TNS2: variants seen among roughly 807,000 people sequenced by gnomAD.
The protein encoded by TNS2 is tensin 2, also known as tensin-2.
In TNS2, 77 loss-of-function variants were observed where a neutral mutation model predicts 155.7. That is an observed-to-expected ratio of 0.49 (90% CI 0.41 to 0.60). The LOEUF (loss-of-function observed/expected upper bound fraction) is 0.60, where lower values mean the gene tolerates loss of function less well. Among genes scored for constraint, TNS2 ranks in the 20% least tolerant of loss-of-function variants. The pLI is 0.00. For synonymous variants in TNS2, 726 were observed against 763.9 expected (o/e 0.95, Z 0.82); for missense variants, 1,703 against 1,868.8 (o/e 0.91, Z 1.64).
chr12:53,051,263 T>G (rs1455646361), intron 1 of TNS2, among the ~76,000 whole-genome samples: 3 of 152,040 alleles, frequency 2.0e-5, no homozygotes, highest in Admixed American at 2.0e-4. Flanking sequence ...CCCTCCAGCA[T>G]GACCACCCCC....
chr12:53,058,908 C>T, intron 17 of TNS2, 81 bp downstream of exon 17: 1 of 1,573,178 alleles, frequency 6.4e-7, no homozygotes, highest in South Asian at 1.1e-5. Context: ...AGCACACTCC[C>T]TCCTCCCCAG....
rs1943893756 is a variant in TNS2, at chr12:53,050,519, C to T, written c.75+259C>T. ...CCAACCCCAGGAGGTCCTGGCCCCCCAACATAAGCCCCAGGTGCCTCACTG... is the reference window on the plus strand; with the variant it reads ...CCAACCCCAGGAGGTCCTGGCCCCCTAACATAAGCCCCAGGTGCCTCACTG... On this transcript the variant is annotated intron_variant, in intron 1 of 28. Transcript: ENST00000314250. The surrounding 1 kb of genome is among the most constrained non-coding windows in gnomAD (Gnocchi z 4.7). 6.6e-6 allele frequency among the ~76,000 whole-genome samples: 1 copy of T among 152,078 alleles called. No homozygotes were observed.
intron 21 of TNS2, 75 bp from the exon 22 acceptor site, chr12:53,061,737 AGAG>A (rs1944390805): frequency 1.3e-6 from 2 of 1,550,678 alleles, no homozygotes; most frequent in African/African-American, 1.4e-5. Flanking sequence ...GCTTGGCAGC[AGAG>A]GAGGGGGGCT....
Position 53,058,568 on chromosome 12 carries a change from A to G in TNS2, c.1226-4A>G. The G allele has an allele frequency of 1.2e-6, 2 of 1,614,054 alleles. No homozygotes were observed. Among genetic ancestry groups the G allele is most frequent in the South Asian group, 1.1e-5 (1 of 91,082 alleles). On this transcript the variant is annotated splice_polypyrimidine_tract_variant and splice_region_variant and intron_variant, in intron 15 of 28. Transcript: ENST00000314250. ...CCTGGTTCTTCACTGTCCACTCCCC[A>G]TAGATGAGAGGTTCCCCTTCCAAGC...
chr12:53,055,188 C>A lies in TNS2; in HGVS notation c.525C>A (p.Leu175=). Residue 175 remains leucine (L), a splice_region_variant and synonymous_variant, in exon 8 of 29, where the codon CTC becomes CTA. Coordinates refer to ENST00000314250, the MANE Select transcript of TNS2 (RefSeq NM_170754.4). ...AAAGCCCTCCCCCTTTATTTCAGCT[C>A]TTCAACCTTTCAGAGAAAAGGCATG... ...LQSKHRDKYL[L]FNLSEKRHDL... The A allele has an allele frequency of 1.9e-6, 3 of 1,614,034 alleles. No homozygotes were observed. Among genetic ancestry groups the A allele is most frequent in the Non-Finnish European group, 2.5e-6 (3 of 1,180,002 alleles).
Position 53,050,366 on chromosome 12 carries a change from C to T in TNS2, c.75+106C>T. 7.7e-7 allele frequency: 1 copy of T among 1,307,000 alleles called. No homozygotes were observed. The highest frequency in any genetic ancestry group is 1.5e-5 in the South Asian group (1 of 67,136). The allele number at this position is 1,307,000 out of a possible 1,614,324, so 81.0% of individuals were successfully genotyped here. A position where few individuals can be genotyped will look rare whatever the true frequency, so the allele number is the denominator to read the frequency against. ...AGGCCTTCTTCCCAATTTCAGCTTC[C>T]TCAGCCTTCTTCCCTGGCCCAGCAT... On this transcript the variant is annotated intron_variant, in intron 1 of 28. Coordinates refer to ENST00000314250, the MANE Select transcript of TNS2 (RefSeq NM_170754.4). The surrounding 1 kb of genome is among the most constrained non-coding windows in gnomAD (Gnocchi z 4.7).
At position 53,061,462 on chromosome 12, in the gene TNS2, T is replaced by G. The variant is rs996296530; in HGVS notation, c.3441T>G (p.Arg1147=). 4.3e-6 allele frequency: 7 copies of G among 1,613,908 alleles called. No individual in the cohort carries two copies. In the African/African-American group the frequency reaches 9.3e-5, roughly 22 times the overall value. ...SKFWYKPHLS[R]DQAIALLKDK... is the part of the protein sequence containing the mutation. ...TCTGGTACAAGCCACACCTGTCCCGTGACCAAGGTGAGAAGCCAGCCTGCC... is the reference window on the plus strand; with the variant it reads ...TCTGGTACAAGCCACACCTGTCCCGGGACCAAGGTGAGAAGCCAGCCTGCC... Residue 1147 remains arginine, a synonymous_variant, in exon 21 of 29, where the codon CGT becomes CGG. Transcript: ENST00000314250.
rs752106844 is a variant in TNS2, at chr12:53,062,217, C to G, written c.3639C>G (p.Ile1213Met). The change falls in exon 23 of 29, where the codon ATC becomes ATG. Residue 1213 changes from isoleucine (I) to methionine (M), a missense_variant. Physicochemically the swap from Ile to Met is conservative, Grantham distance 10 (BLOSUM62 1). Transcript: ENST00000314250. ...AGACTGGGCCCAAAGGGGTGAAGAT[C>G]AAGGGCTGCCCCAGTGAGCCCTACT... ...LIETGPKGVKIKGCPSEPYFG... is the reference protein window; with the variant it reads ...LIETGPKGVKMKGCPSEPYFG... 2.4e-5 allele frequency: 39 copies of G among 1,613,980 alleles called. No individual in the cohort carries two copies. The highest frequency in any genetic ancestry group is 3.3e-5 in the Non-Finnish European group (39 of 1,180,012).
At position 53,055,860 on chromosome 12, in the gene TNS2, G is replaced by A. The variant is rs372875190; in HGVS notation, c.761+15G>A. 2.6e-5 allele frequency: 42 copies of A among 1,603,702 alleles called. No homozygotes were observed. Among genetic ancestry groups the A allele is most frequent in the South Asian group, 1.4e-4 (13 of 90,014 alleles). On this transcript the variant is annotated intron_variant, in intron 10 of 28. Transcript: ENST00000314250. ...ATCTCTGCAGGGTGAGGCTCCCAGC[G>A]CCTGAGTAGCTGCTTCCCCAGTGGC...
Position 53,050,515 on chromosome 12 carries a change from C to CAA in TNS2, c.75+255_75+256insAA, listed in dbSNP as rs2121055703. Among the ~76,000 whole-genome samples, 1 of 152,020 alleles carries CAA rather than the reference C, an allele frequency of 6.6e-6. No homozygotes were observed. The highest frequency in any genetic ancestry group is 1.5e-5 in the Non-Finnish European group (1 of 67,986). ...TGGGCCAACCCCAGGAGGTCCTGGCCCCCCAACATAAGCCCCAGGTGCCTC... is the reference window on the plus strand; with the variant it reads ...TGGGCCAACCCCAGGAGGTCCTGGCCAACCCCAACATAAGCCCCAGGTGCCTC... On this transcript the variant is annotated intron_variant, in intron 1 of 28. Coordinates refer to ENST00000314250, the MANE Select transcript of TNS2 (RefSeq NM_170754.4). The surrounding 1 kb of genome is among the most constrained non-coding windows in gnomAD (Gnocchi z 4.7).
In TNS2 at chr12:53,055,186, C is replaced by G; in HGVS notation, c.523C>G (p.Leu175Val). The change falls in exon 8 of 29, where the codon CTC becomes GTC. Residue 175 changes from leucine to valine, a missense_variant and splice_region_variant. Coordinates refer to ENST00000314250, the MANE Select transcript of TNS2 (RefSeq NM_170754.4). ...CTAAAGCCCTCCCCCTTTATTTCAG[C>G]TCTTCAACCTTTCAGAGAAAAGGCA... Reference protein sequence around the residue: ...LQSKHRDKYLLFNLSEKRHDL... With the variant: ...LQSKHRDKYLVFNLSEKRHDL... The G allele has an allele frequency of 6.2e-7, 1 of 1,614,052 alleles. No homozygotes were observed. Among genetic ancestry groups the G allele is most frequent in the Non-Finnish European group, 8.5e-7 (1 of 1,180,000 alleles).
At position 53,063,155 on chromosome 12, in the gene TNS2, G is replaced by A. The variant is rs776004917; in HGVS notation, c.3890G>A (p.Arg1297Gln). Residue 1297 changes from arginine (R) to glutamine (Q), a missense_variant, in exon 26 of 29, where the codon CGG becomes CAG. Arg to Gln is a conservative substitution (Grantham distance 43, BLOSUM62 1). Coordinates refer to ENST00000314250, the MANE Select transcript of TNS2 (RefSeq NM_170754.4). The surrounding 1 kb of genome is among the most constrained non-coding windows in gnomAD (Gnocchi z 5.6). ...CTGACGGGCCCCCAAGCTGTGGCCCGGGCCAGCTCTGCAGCTCTGAGCTGT... is the reference window on the plus strand; with the variant it reads ...CTGACGGGCCCCCAAGCTGTGGCCCAGGCCAGCTCTGCAGCTCTGAGCTGT... Reference protein sequence around the residue: ...ESLTGPQAVARASSAALSCSP... With the variant: ...ESLTGPQAVAQASSAALSCSP... 1.3e-5 allele frequency: 21 copies of A among 1,608,644 alleles called. No homozygotes were observed. The highest frequency in any genetic ancestry group is 1.6e-4 in the Middle Eastern group (1 of 6,064).
At chr12:53,052,203 A>C (rs1943960310) in intron 2 of TNS2, 6 of 608,286 alleles carry the variant, frequency 9.9e-6, no homozygotes, top group Non-Finnish European at 1.7e-5. Context: ...TTGTGACGGT[A>C]GTCTTCCTTC....
At chr12:53,048,699 T>C (rs1943814921), upstream of TNS2, among the ~76,000 whole-genome samples, 1 of 152,066 alleles carries the variant, frequency 6.6e-6, no homozygotes, top group South Asian at 2.1e-4. Flanking sequence ...GCCTGGAAAA[T>C]TGGAGCTTCC....
chr12:53,054,036 G>C (rs1460245895), intron 6 of TNS2, 22 bp downstream of exon 6: 1 of 1,613,900 alleles, frequency 6.2e-7, no homozygotes, highest in African/African-American at 1.3e-5. Flanking sequence ...TGCTGGGGTG[G>C]TCCCACGTGA....
chr12:53,056,235 C>T (rs1944153020), intron 10 of TNS2: 1 of 168,734 alleles, frequency 5.9e-6, no homozygotes, highest in Non-Finnish European at 1.3e-5. Context: ...TGGTGGGCGC[C>T]TGTAATCCCA....
At chr12:53,047,058 CTCTT>C (rs1262793687), upstream of TNS2, 2 of 152,158 alleles carry the variant, frequency 1.3e-5, no homozygotes, top group African/African-American at 4.8e-5. Context: ...CTCCCCTCGG[CTCTT>C]TGTGAGTGTG....
intron 4 of TNS2, 62 bp downstream of exon 4, chr12:53,053,511 T>G: frequency 6.2e-7 from 1 of 1,603,414 alleles, no homozygotes; most frequent in East Asian, 2.2e-5. Context: ...TCCAGAGGTC[T>G]GGTGGCTCCA....
chr12:53,048,996 C>A, upstream of TNS2: 1 of 562,620 alleles, frequency 1.8e-6, no homozygotes, highest in East Asian at 3.3e-5. Flanking sequence ...GGGCTGCTGT[C>A]CACAGCTTGG....
Sources: allele counts gnomAD v4.1 joint callset (sites outside exome capture counted in the v4.1 genomes callset), GRCh38; gene constraint gnomAD v4.1.1; non-coding constraint Gnocchi (gnomAD v3.1); transcripts MANE v1.5; gene names NCBI Gene and HGNC (gene_info 2026-07-23, HGNC 2026-07-21).